Variants in CADPS observed in about 807,000 individuals in gnomAD.
CADPS encodes calcium-dependent secretion activator 1.
CADPS carries 57 observed loss-of-function variants against 167.3 expected under a neutral mutation model. The observed-to-expected ratio is 0.34, with a 90% confidence interval of 0.28 to 0.42. CADPS has a LOEUF of 0.42. CADPS is among the 20% of genes least tolerant of loss of function. The probability of loss-of-function intolerance (pLI) is 1.00; values close to 1 mark genes in which losing one functional copy is unlikely to be tolerated. For synonymous variants in CADPS, 676 were observed against 635.3 expected, an observed-to-expected ratio of 1.06 and a Z score of -0.96; for missense variants, 1,414 against 1,738.1, an observed-to-expected ratio of 0.81 and a Z score of 3.32.
At chr3:62,513,380 CACAG>C (rs981660281) in intron 16 of CADPS, among the ~76,000 whole-genome samples, 1 of 151,974 alleles carries the variant, frequency 6.6e-6, no homozygotes, top group Non-Finnish European at 1.5e-5. Flanking sequence ...GCATTCAGGT[CACAG>C]ACAGAGAATA....
intron 1 of CADPS, among the ~76,000 whole-genome samples, chr3:62,852,659 C>A (rs945399840): frequency 2.6e-5 from 4 of 151,994 alleles, no homozygotes; most frequent in Non-Finnish European, 5.9e-5. Flanking sequence ...TTTCCTGACA[C>A]CTGTCTCTAC....
chr3:62,743,044 A>G (rs765638144), intron 3 of CADPS, among the ~76,000 whole-genome samples: 5 of 152,366 alleles, frequency 3.3e-5, no homozygotes, highest in Non-Finnish European at 7.3e-5. Context: ...ACCGATCATT[A>G]CAGAAATGGA....
intron 1 of CADPS, among the ~76,000 whole-genome samples, chr3:62,793,704 C>T (rs2093147988): frequency 6.6e-6 from 1 of 152,148 alleles, no homozygotes; most frequent in African/African-American, 2.4e-5. Context: ...CTTTCACATA[C>T]AATTTTTTTA....
At chr3:62,833,775 A>G (rs539639725) in intron 1 of CADPS, among the ~76,000 whole-genome samples, 53 of 152,084 alleles carry the variant, frequency 3.5e-4, no homozygotes, top group Non-Finnish European at 6.2e-4. Flanking sequence ...CCTTGCCCCA[A>G]AACAGAGTGT....
intron 6 of CADPS, among the ~76,000 whole-genome samples, chr3:62,598,460 G>A (rs536974138): frequency 1.3e-5 from 2 of 152,302 alleles, no homozygotes; most frequent in East Asian, 3.9e-4. Context: ...AGGAAAAAAT[G>A]TCATGAAAAA....
intron 13 of CADPS, among the ~76,000 whole-genome samples, chr3:62,521,760 C>G (rs1454360819): frequency 6.6e-6 from 1 of 152,176 alleles, no homozygotes; most frequent in Non-Finnish European, 1.5e-5. Flanking sequence ...TTTCTAACCC[C>G]TGGATTTGGA....
At chr3:62,639,267 A>T (rs2066932256) in intron 6 of CADPS, among the ~76,000 whole-genome samples, 1 of 152,220 alleles carries the variant, frequency 6.6e-6, no homozygotes, top group African/African-American at 2.4e-5. Flanking sequence ...GAAAGAAATT[A>T]AACCTTTTTC....
intron 26 of CADPS, among the ~76,000 whole-genome samples, chr3:62,457,621 G>A (rs1027376851): frequency 1.3e-5 from 2 of 152,254 alleles, no homozygotes; most frequent in African/African-American, 4.8e-5. Context: ...GTAATAGTTT[G>A]GATTGCTTAC....
intron 3 of CADPS, among the ~76,000 whole-genome samples, chr3:62,682,779 G>T (rs543899216): frequency 6.6e-6 from 1 of 151,682 alleles, no homozygotes; most frequent in Non-Finnish European, 1.5e-5. Context: ...ACAATGAAGA[G>T]TATAAAGAAA....
At chr3:62,583,185 C>CTCTCTT (rs1449854103) in intron 8 of CADPS, among the ~76,000 whole-genome samples, 1 of 151,160 alleles carries the variant, frequency 6.6e-6, no homozygotes, top group Non-Finnish European at 1.5e-5. Flanking sequence ...CTCTCTCTCT[C>CTCTCTT]TCTTTCTACG....
rs190608017 is a variant in CADPS at position 62,454,437 on chromosome 3, G to A, written c.3637-8640C>T. ...GAGAGGTTAAGTTGCTGTCCTCAGG[G>A]CACACAGTCAAGAAGTAGCAGAGCT... On this transcript the variant is annotated intron_variant, in intron 26 of 29. Transcript: ENST00000383710. 2.4e-4 allele frequency among the ~76,000 whole-genome samples: 37 copies of A among 152,210 alleles called. No homozygotes were observed. The East Asian group carries it at 4.4e-3, about 18-fold the overall frequency.
At chr3:62,604,110 G>A (rs1359751096) in intron 6 of CADPS, among the ~76,000 whole-genome samples, 2 of 152,040 alleles carry the variant, frequency 1.3e-5, no homozygotes, top group Admixed American at 1.3e-4. Context: ...GATTACAGGT[G>A]TGAGCCACCT....
chr3:62,445,742 A>G, intron 27 of CADPS, 23 bp downstream of exon 27: 2 of 1,437,346 alleles, frequency 1.4e-6, no homozygotes, highest in Non-Finnish European at 1.9e-6. Context: ...AAACCCCATG[A>G]GAAACAATTT....
intron 9 of CADPS, among the ~76,000 whole-genome samples, chr3:62,569,731 AC>A (rs2080952294): frequency 6.6e-6 from 1 of 152,192 alleles, no homozygotes; most frequent in Admixed American, 6.5e-5. Flanking sequence ...CCCAGTAAGA[AC>A]CTTTGTCACT....
chr3:62,503,350 A>C (rs1576928237), intron 17 of CADPS, among the ~76,000 whole-genome samples: 1 of 152,306 alleles, frequency 6.6e-6, no homozygotes, highest in East Asian at 1.9e-4. Context: ...CCTCATCTAT[A>C]AATTGAGAGT....
intron 3 of CADPS, among the ~76,000 whole-genome samples, chr3:62,730,471 C>T (rs2077556904): frequency 6.6e-6 from 1 of 152,180 alleles, no homozygotes; most frequent in Non-Finnish European, 1.5e-5. Context: ...ACTCCTCACC[C>T]TATCTCACTT....
intron 6 of CADPS, among the ~76,000 whole-genome samples, chr3:62,622,174 G>A (rs940414785): frequency 5.9e-5 from 9 of 152,128 alleles, no homozygotes; most frequent in Admixed American, 1.3e-4. Flanking sequence ...AATCAGCCCC[G>A]AGCTGTATGC....
intron 9 of CADPS, among the ~76,000 whole-genome samples, chr3:62,570,107 G>C (rs1283316772): frequency 1.3e-5 from 2 of 152,048 alleles, no homozygotes; most frequent in East Asian, 3.9e-4. Flanking sequence ...AAGTCCAGAA[G>C]TCTATCCAAA....
intron 1 of CADPS, among the ~76,000 whole-genome samples, chr3:62,774,403 A>G (rs1479488822): frequency 2.0e-5 from 3 of 152,274 alleles, no homozygotes; most frequent in East Asian, 1.9e-4. Flanking sequence ...ATGTGGTCAA[A>G]TAAGGACTTC....
Sources: gnomAD v4.1 joint callset for allele counts (sites outside exome capture counted in the v4.1 genomes callset) on GRCh38, gnomAD v4.1.1 for gene constraint, MANE v1.5 for transcripts, NCBI Gene and HGNC (gene_info 2026-07-23, HGNC 2026-07-21) for gene names.